Variants in YIPF7 observed in about 807,000 individuals in gnomAD.
The protein encoded by YIPF7 is protein YIPF7.
YIPF7 carries 35 observed loss-of-function variants against 27.2 expected under a neutral mutation model. That is an observed-to-expected ratio of 1.29 (90% confidence interval 0.98 to 1.70). The LOEUF (loss-of-function observed/expected upper bound fraction) is 1.70. YIPF7 is among the 40% of genes most tolerant of loss of function. YIPF7 has a pLI of 0.00. For synonymous variants in YIPF7, 137 were observed against 110.4 expected, an observed-to-expected ratio of 1.24 and a Z score of -1.51; for missense variants, 358 against 303.7, an observed-to-expected ratio of 1.18 and a Z score of -1.33.
At chr4:44,655,737 A>G (rs1439562048), upstream of YIPF7, among the ~76,000 whole-genome samples, 1 of 151,990 alleles carries the variant, frequency 6.6e-6, no homozygotes, top group African/African-American at 2.4e-5. Flanking sequence ...TTTTATCAGT[A>G]TTCTTTAAAT....
At chr4:44,626,237 T>C (rs557690719) in intron 4 of YIPF7, among the ~76,000 whole-genome samples, 1 of 152,334 alleles carries the variant, frequency 6.6e-6, no homozygotes, top group East Asian at 1.9e-4. Context: ...CTTGTGACTA[T>C]TTAATGAAAT....
At chr4:44,641,740 G>A (rs1180932445) in intron 2 of YIPF7, among the ~76,000 whole-genome samples, 1 of 152,100 alleles carries the variant, frequency 6.6e-6, no homozygotes, top group Non-Finnish European at 1.5e-5. Flanking sequence ...ATATAGAGGG[G>A]GGAGATATAC....
intron 2 of YIPF7, among the ~76,000 whole-genome samples, chr4:44,636,910 C>T (rs1375154782): frequency 1.3e-5 from 2 of 152,154 alleles, no homozygotes; most frequent in Non-Finnish European, 2.9e-5. Flanking sequence ...CTCCTACCCC[C>T]TCACCCTTCC....
rs368044160 is a variant in YIPF7 at position 44,624,800 on chromosome 4, A to G, written c.427-18T>C. Reference sequence around the variant, plus strand: ...TTTCCTGCCTGAAACGACGTGAAGAAAAAACAGTTTGAACACACAATGGAC... The same window carrying G: ...TTTCCTGCCTGAAACGACGTGAAGAGAAAACAGTTTGAACACACAATGGAC... On this transcript the variant is annotated intron_variant, in intron 4 of 5. Transcript: ENST00000415895. 6.3e-7 allele frequency: 1 copy of G among 1,596,614 alleles called. No individual in the cohort carries two copies. The highest frequency in any genetic ancestry group is 8.5e-7 in the Non-Finnish European group (1 of 1,172,326).
rs540355630 is a variant in YIPF7, at chr4:44,622,122, A to C, written c.*292T>G. 6.8e-6 allele frequency: 2 copies of C among 295,654 alleles called. No homozygotes were observed. The highest frequency in any genetic ancestry group is 1.3e-5 in the Non-Finnish European group (2 of 158,964). 18.3% of individuals were successfully genotyped at this position (295,654 alleles called of 1,614,324 possible). A position where few individuals can be genotyped will look rare whatever the true frequency, so the allele number is the denominator to read the frequency against. On this transcript the variant is annotated 3_prime_UTR_variant, in exon 6 of 6. Transcript: ENST00000415895. ...AGTAAACATATGAGTTTATTTACTTACTTTTCTCAGAAATACCTCTATTGA... is the reference window on the plus strand; with the variant it reads ...AGTAAACATATGAGTTTATTTACTTCCTTTTCTCAGAAATACCTCTATTGA...
chr4:44,643,383 T>C (rs1002801053), intron 2 of YIPF7, among the ~76,000 whole-genome samples: 1 of 152,180 alleles, frequency 6.6e-6, no homozygotes, highest in Non-Finnish European at 1.5e-5. Context: ...TATGTTTATA[T>C]ATGTGAGCAA....
chr4:44,650,497 G>A (rs1713692559), intron 1 of YIPF7, among the ~76,000 whole-genome samples: 1 of 47,822 alleles, frequency 2.1e-5, no homozygotes, highest in South Asian at 1.3e-3. Context: ...ACACACATGC[G>A]CGCGCGCGCG....
chr4:44,631,801 A>ATATTTTAAATTAATT (rs1168258365), intron 3 of YIPF7, among the ~76,000 whole-genome samples: 1 of 152,182 alleles, frequency 6.6e-6, no homozygotes, highest in Non-Finnish European at 1.5e-5. Context: ...GACATACTAC[A>ATATTTTAAATTAATT]TATTTTAAAT....
intron 5 of YIPF7, 71 bp downstream of exon 5, chr4:44,624,529 CT>C: frequency 1.4e-6 from 2 of 1,428,852 alleles, no homozygotes; most frequent in Admixed American, 2.8e-5. Flanking sequence ...AAGGGCTCAA[CT>C]TTTTCATGGC....
intron 4 of YIPF7, among the ~76,000 whole-genome samples, chr4:44,627,056 A>G (rs895561202): frequency 5.9e-5 from 9 of 151,856 alleles, no homozygotes; most frequent in African/African-American, 1.9e-4. Flanking sequence ...TGCTGGGATT[A>G]CAGGCATGAG....
intron 3 of YIPF7, among the ~76,000 whole-genome samples, 169 bp from the exon 4 acceptor site, chr4:44,629,717 G>T (rs1468251550): frequency 2.6e-5 from 3 of 114,386 alleles, no homozygotes; most frequent in Non-Finnish European, 6.5e-5. Flanking sequence ...AGAAACTCAA[G>T]TTCTATGTAA....
chr4:44,624,882 C>T, intron 4 of YIPF7, 100 bp from the exon 5 acceptor site: 2 of 1,107,764 alleles, frequency 1.8e-6, no homozygotes, highest in Non-Finnish European at 2.5e-6. Flanking sequence ...CAGTTCAGTG[C>T]TGTTCCATGT....
At chr4:44,653,044 G>T (rs768755866), upstream of YIPF7, among the ~76,000 whole-genome samples, 2 of 152,064 alleles carry the variant, frequency 1.3e-5, no homozygotes, top group Non-Finnish European at 2.9e-5. Flanking sequence ...TCTTAAGAGG[G>T]TCATTTGGAT....
chr4:44,641,775 G>C (rs1207051120), intron 2 of YIPF7, among the ~76,000 whole-genome samples: 1 of 152,130 alleles, frequency 6.6e-6, no homozygotes, highest in Admixed American at 6.5e-5. Context: ...TAACTCAAAT[G>C]TATGCTCATT....
intron 3 of YIPF7, 139 bp downstream of exon 3, chr4:44,635,783 G>T: frequency 3.0e-6 from 3 of 992,496 alleles, no homozygotes; most frequent in Non-Finnish European, 2.8e-6. Context: ...TAAGGGTTTT[G>T]GTTCAGCAAA....
chr4:44,646,576 G>A (rs1437139596), intron 2 of YIPF7, among the ~76,000 whole-genome samples: 1 of 152,130 alleles, frequency 6.6e-6, no homozygotes, highest in Non-Finnish European at 1.5e-5. Context: ...TAGCCTCAGT[G>A]ACTACCTATA....
At chr4:44,626,546 T>C (rs1181066521) in intron 4 of YIPF7, among the ~76,000 whole-genome samples, 2 of 152,114 alleles carry the variant, frequency 1.3e-5, no homozygotes, top group Non-Finnish European at 2.9e-5. Context: ...AGTAAAGTTG[T>C]GTCTTTTCAT....
intron 2 of YIPF7, among the ~76,000 whole-genome samples, chr4:44,648,782 G>A (rs1713618759): frequency 6.6e-6 from 1 of 151,910 alleles, no homozygotes; most frequent in Admixed American, 6.6e-5. Context: ...CATTAAGTAG[G>A]TATTATTAAT....
chr4:44,652,627 T>C (rs559553343), upstream of YIPF7, among the ~76,000 whole-genome samples: 48 of 152,326 alleles, frequency 3.2e-4, no homozygotes, highest in African/African-American at 1.1e-3. Flanking sequence ...AGGCAACAAT[T>C]GGTCACACAT....
Sources: gnomAD v4.1 joint callset for allele counts (sites outside exome capture counted in the v4.1 genomes callset) on GRCh38, gnomAD v4.1.1 for gene constraint, MANE v1.5 for transcripts, NCBI Gene and HGNC (gene_info 2026-07-23, HGNC 2026-07-21) for gene names.